Variants in HS6ST3 observed in about 807,000 individuals in gnomAD.
HS6ST3 encodes the protein heparan sulfate 6-O-sulfotransferase 3.
A neutral mutation model predicts 36.7 loss-of-function variants in HS6ST3; 12 were observed. The ratio of observed to expected loss-of-function variants is 0.33; its 90% CI spans 0.21 to 0.53. HS6ST3 has a LOEUF of 0.53. HS6ST3 is among the 20% of genes least tolerant of loss of function. The pLI is 0.95. For missense variants in HS6ST3, 584 were observed against 640.9 expected, an observed-to-expected ratio of 0.91 and a Z score of 0.96; for synonymous variants, 240 against 257.5, an observed-to-expected ratio of 0.93 and a Z score of 0.65.
At chr13:96,640,542 T>C (rs944993157) in intron 1 of HS6ST3, among the ~76,000 whole-genome samples, 4 of 152,024 alleles carry the variant, frequency 2.6e-5, no homozygotes, top group Admixed American at 6.6e-5. Context: ...TTTATTTTGC[T>C]GTGCAGCTCT....
chr13:96,211,679 A>T (rs2139357708), intron 1 of HS6ST3, among the ~76,000 whole-genome samples: 1 of 152,328 alleles, frequency 6.6e-6, no homozygotes, highest in South Asian at 2.1e-4. Flanking sequence ...AAAAAAAGAC[A>T]ATAAAGAGGA....
intron 1 of HS6ST3, among the ~76,000 whole-genome samples, chr13:96,786,628 C>T (rs574169639): frequency 1.3e-5 from 2 of 152,160 alleles, no homozygotes; most frequent in East Asian, 1.9e-4. Context: ...TCTGTATAGG[C>T]AAAACGCATT....
intron 1 of HS6ST3, among the ~76,000 whole-genome samples, chr13:96,115,947 G>T (rs2053892037): frequency 6.6e-6 from 1 of 152,126 alleles, no homozygotes; most frequent in Non-Finnish European, 1.5e-5. Context: ...TCTCTGACTG[G>T]CATGAGATGG....
chr13:96,739,250 TG>T, intron 1 of HS6ST3, among the ~76,000 whole-genome samples: 1 of 150,990 alleles, frequency 6.6e-6, no homozygotes, highest in Non-Finnish European at 1.5e-5. Flanking sequence ...TGTGTGTGTG[TG>T]TGTGTGTGTG....
At chr13:96,395,899 G>A (rs942092633) in intron 1 of HS6ST3, among the ~76,000 whole-genome samples, 1 of 152,088 alleles carries the variant, frequency 6.6e-6, no homozygotes, top group Non-Finnish European at 1.5e-5. Context: ...AAATAGGGAA[G>A]AGGTAAGAAA....
chr13:96,267,617 C>T (rs1235650896), intron 1 of HS6ST3, among the ~76,000 whole-genome samples: 1 of 150,528 alleles, frequency 6.6e-6, no homozygotes, highest in Non-Finnish European at 1.5e-5. Context: ...TCATCATGAA[C>T]TCAACTATTA....
chr13:96,218,409 G>A (rs912424602), intron 1 of HS6ST3, among the ~76,000 whole-genome samples: 1 of 152,204 alleles, frequency 6.6e-6, no homozygotes, highest in African/African-American at 2.4e-5. Context: ...GCAGAGAGGA[G>A]GGTGGAGAAG....
chr13:96,373,746 C>A (rs1594765817), intron 1 of HS6ST3, among the ~76,000 whole-genome samples: 1 of 152,128 alleles, frequency 6.6e-6, no homozygotes, highest in Non-Finnish European at 1.5e-5. Context: ...ATCATGGCTG[C>A]TCTCATCAAT....
intron 1 of HS6ST3, among the ~76,000 whole-genome samples, chr13:96,459,049 A>G (rs2055768292): frequency 6.9e-6 from 1 of 144,630 alleles, no homozygotes; most frequent in Admixed American, 7.2e-5. Context: ...GGTTGCAGTG[A>G]GCCGAGATTG....
intron 1 of HS6ST3, among the ~76,000 whole-genome samples, chr13:96,462,606 C>G (rs2055790319): frequency 6.6e-6 from 1 of 152,062 alleles, no homozygotes; most frequent in African/African-American, 2.4e-5. Context: ...TTTTATTATA[C>G]AGGAGATTTC....
At chr13:96,468,378 G>T (rs1380901369) in intron 1 of HS6ST3, among the ~76,000 whole-genome samples, 2 of 151,736 alleles carry the variant, frequency 1.3e-5, no homozygotes, top group Non-Finnish European at 2.9e-5. Flanking sequence ...GCACAGAAAT[G>T]GAACTGATAG....
chr13:96,604,617 A>G (rs944667311), intron 1 of HS6ST3, among the ~76,000 whole-genome samples: 2 of 152,244 alleles, frequency 1.3e-5, no homozygotes, highest in Non-Finnish European at 2.9e-5. Context: ...TTCTTTAACA[A>G]TAATGTAAAA....
At chr13:96,201,221 T>A (rs376893612) in intron 1 of HS6ST3, among the ~76,000 whole-genome samples, 1 of 152,140 alleles carries the variant, frequency 6.6e-6, no homozygotes, top group Non-Finnish European at 1.5e-5. Context: ...TGAAATTCCT[T>A]GCCTCCAAGG....
At chr13:96,795,517 C>T (rs1360884340) in intron 1 of HS6ST3, among the ~76,000 whole-genome samples, 1 of 152,074 alleles carries the variant, frequency 6.6e-6, no homozygotes, top group African/African-American at 2.4e-5. Flanking sequence ...ATCCCAACCT[C>T]ATTCTCTTAA....
intron 1 of HS6ST3, among the ~76,000 whole-genome samples, chr13:96,586,016 C>T (rs2056359729): frequency 6.6e-6 from 1 of 152,114 alleles, no homozygotes; most frequent in Non-Finnish European, 1.5e-5. Flanking sequence ...GTATTAATTA[C>T]ATTCCCATCA....
At chr13:96,479,282 G>T (rs2055878792) in intron 1 of HS6ST3, among the ~76,000 whole-genome samples, 2 of 152,328 alleles carry the variant, frequency 1.3e-5, no homozygotes, top group South Asian at 2.1e-4. Flanking sequence ...GAACAGTGAG[G>T]CTGTATAATG....
chr13:96,603,256 A>C (rs1284702193), intron 1 of HS6ST3, among the ~76,000 whole-genome samples: 1 of 152,098 alleles, frequency 6.6e-6, no homozygotes, highest in Non-Finnish European at 1.5e-5. Context: ...CCCTAAATCA[A>C]CCATGATGCC....
chr13:96,212,974 A>C (rs187179231), intron 1 of HS6ST3, among the ~76,000 whole-genome samples: 1 of 152,360 alleles, frequency 6.6e-6, no homozygotes, highest in Non-Finnish European at 1.5e-5. Context: ...TTAACTTGTA[A>C]TGCTAAAGCA....
At chr13:96,589,271 A>G (rs1016958943) in intron 1 of HS6ST3, among the ~76,000 whole-genome samples, 4 of 151,898 alleles carry the variant, frequency 2.6e-5, no homozygotes, top group African/African-American at 9.7e-5. Context: ...ATTCAGTCTG[A>G]GTAGGTTGTA....
Sources: gnomAD v4.1 joint callset for allele counts (sites outside exome capture counted in the v4.1 genomes callset) on GRCh38, gnomAD v4.1.1 for gene constraint, MANE v1.5 for transcripts, NCBI Gene and HGNC (gene_info 2026-07-23, HGNC 2026-07-21) for gene names.